The following DGKB variants were observed in gnomAD, a reference collection of about 807,000 sequenced individuals.
The protein encoded by DGKB is 90 kDa diacylglycerol kinase.
DGKB carries 67 observed loss-of-function variants against 114.3 expected under a neutral mutation model. The ratio of observed to expected loss-of-function variants is 0.59; its 90% confidence interval spans 0.48 to 0.72. The LOEUF is 0.72. Among genes scored for constraint, DGKB ranks in the 30% least tolerant of loss-of-function variants. DGKB has a pLI of 0.00. For synonymous variants in DGKB, 398 were observed against 323.1 expected, an observed-to-expected ratio of 1.23 and a Z score of -2.49; for missense variants, 907 against 975.2, an observed-to-expected ratio of 0.93 and a Z score of 0.93.
At chr7:14,821,800 G>C (rs1270334174) in intron 2 of DGKB, among the ~76,000 whole-genome samples, 2 of 152,154 alleles carry the variant, frequency 1.3e-5, no homozygotes, top group Admixed American at 1.3e-4. Flanking sequence ...ATGTTGGAGA[G>C]AGACATGGAG....
chr7:14,401,891 T>C, intron 21 of DGKB, among the ~76,000 whole-genome samples: 1 of 151,604 alleles, frequency 6.6e-6, no homozygotes, highest in Non-Finnish European at 1.5e-5. Flanking sequence ...TTATGTATGA[T>C]ACCTGTGAAT....
intron 12 of DGKB, among the ~76,000 whole-genome samples, chr7:14,674,173 C>T (rs1426759420): frequency 6.6e-6 from 1 of 151,908 alleles, no homozygotes; most frequent in East Asian, 1.9e-4. Context: ...TAATTAATGC[C>T]CATTAGGTTA....
intron 1 of DGKB, among the ~76,000 whole-genome samples, chr7:14,865,563 C>T (rs1851585368): frequency 1.3e-5 from 2 of 152,194 alleles, no homozygotes; most frequent in Admixed American, 6.5e-5. Context: ...TGTTGCTATT[C>T]TCCGTTTGGC....
intron 5 of DGKB, among the ~76,000 whole-genome samples, chr7:14,727,448 T>C (rs940329016): frequency 6.6e-6 from 1 of 152,162 alleles, no homozygotes; most frequent in Non-Finnish European, 1.5e-5. Flanking sequence ...TCATTACTTC[T>C]AATGACAATA....
intron 23 of DGKB, among the ~76,000 whole-genome samples, chr7:14,238,070 G>T (rs1368030903): frequency 6.6e-6 from 1 of 151,994 alleles, no homozygotes; most frequent in African/African-American, 2.4e-5. Flanking sequence ...TTGGTGAAAG[G>T]AAAATTTCTC....
chr7:14,519,566 A>G (rs558444332), intron 20 of DGKB, among the ~76,000 whole-genome samples: 25 of 152,194 alleles, frequency 1.6e-4, no homozygotes, highest in Admixed American at 1.5e-3. Flanking sequence ...AACTATTTCA[A>G]TGAGCATAAA....
At chr7:14,876,397 A>C (rs1853291326) in intron 1 of DGKB, among the ~76,000 whole-genome samples, 1 of 152,148 alleles carries the variant, frequency 6.6e-6, no homozygotes, top group Admixed American at 6.5e-5. Flanking sequence ...CAAACATAAC[A>C]CTGCCTGTTG....
At chr7:14,668,961 A>T (rs187970474) in intron 13 of DGKB, among the ~76,000 whole-genome samples, 32 of 152,280 alleles carry the variant, frequency 2.1e-4, no homozygotes, top group Non-Finnish European at 4.1e-4. Context: ...AAATATATTC[A>T]TCCAAGCCGA....
At chr7:14,174,999 AAC>A in intron 25 of DGKB, among the ~76,000 whole-genome samples, 1 of 152,348 alleles carries the variant, frequency 6.6e-6, no homozygotes, top group Non-Finnish European at 1.5e-5. Flanking sequence ...TGTTATACAC[AAC>A]GTTTGAGCCA....
chr7:14,532,728 C>T (rs75837394), intron 20 of DGKB, among the ~76,000 whole-genome samples: 1,629 of 151,412 alleles, frequency 0.011, 29 homozygotes, highest in African/African-American at 0.035. Flanking sequence ...TTGATAAGAC[C>T]GTTAGAAAAT....
At chr7:14,669,604 G>A (rs80340623) in intron 13 of DGKB, among the ~76,000 whole-genome samples, 2,425 of 152,160 alleles carry the variant, frequency 0.016, 25 homozygotes, top group Non-Finnish European at 0.024. Context: ...AACAAAACCA[G>A]TACTTATTTA....
At position 14,490,598 on chromosome 7, in the gene DGKB, C is replaced by T. The variant is rs751751109; in HGVS notation, c.1771-12373G>A. ...AATTCCTGAAAGTTGAAAAGGGGGA[C>T]AAAAAGGAGTCCAGTCCTTTAAAAC... On this transcript the variant is annotated intron_variant, in intron 20 of 25. Coordinates refer to ENST00000402815, the MANE Select transcript of DGKB (RefSeq NM_001350709.2). 1.8e-4 allele frequency among the ~76,000 whole-genome samples: 27 copies of T among 152,112 alleles called. 1 individual carries two copies. The South Asian group carries it at 2.3e-3, about 13-fold the overall frequency.
At chr7:14,223,541 G>A (rs1475835525) in intron 23 of DGKB, among the ~76,000 whole-genome samples, 2 of 151,280 alleles carry the variant, frequency 1.3e-5, no homozygotes. Context: ...TATAAAAAAG[G>A]GCAATGAATA....
chr7:14,281,490 T>C (rs1799947251), intron 23 of DGKB, among the ~76,000 whole-genome samples: 1 of 146,508 alleles, frequency 6.8e-6, no homozygotes, highest in Non-Finnish European at 1.5e-5. Context: ...GGAATTGAAC[T>C]CAGCTCTGCA....
chr7:14,194,622 ATATATGT>A (rs2128279463), intron 23 of DGKB, among the ~76,000 whole-genome samples: 1 of 152,216 alleles, frequency 6.6e-6, no homozygotes, highest in East Asian at 1.9e-4. Flanking sequence ...TGAGGGGTTA[ATATATGT>A]TATATTATGT....
intron 20 of DGKB, among the ~76,000 whole-genome samples, chr7:14,542,787 C>A (rs1793676014): frequency 6.6e-6 from 1 of 152,114 alleles, no homozygotes; most frequent in Non-Finnish European, 1.5e-5. Context: ...GCAATCGCAT[C>A]CAGAGGACTT....
In DGKB at chr7:14,186,959, A is replaced by G. The variant is rs563674869; in HGVS notation, c.2123-8808T>C. ...TGGGTGCACCAAAATGTCACAAATA[A>G]CCACTAAAAAACTTACTCATGTAAC... On this transcript the variant is annotated intron_variant, in intron 23 of 25. Transcript: ENST00000402815. Among the ~76,000 whole-genome samples the G allele has an allele frequency of 2.0e-5, 3 of 152,222 alleles. No homozygotes were observed. The South Asian group carries it at 6.2e-4, about 32-fold the overall frequency.
At chr7:14,158,159 A>T (rs2128221247) in intron 25 of DGKB, among the ~76,000 whole-genome samples, 1 of 152,356 alleles carries the variant, frequency 6.6e-6, no homozygotes, top group Admixed American at 6.5e-5. Context: ...AAGGCTATGC[A>T]TGTCATATAC....
chr7:14,571,469 C>T (rs955233296), intron 20 of DGKB, among the ~76,000 whole-genome samples: 1 of 152,132 alleles, frequency 6.6e-6, no homozygotes, highest in African/African-American at 2.4e-5. Context: ...ACTTTAGGGC[C>T]AGCAGCTAAC....
Sources: allele counts gnomAD v4.1 joint callset (sites outside exome capture counted in the v4.1 genomes callset), GRCh38; gene constraint gnomAD v4.1.1; transcripts MANE v1.5; gene names NCBI Gene and HGNC (gene_info 2026-07-23, HGNC 2026-07-21).